The following CGNL1 variants were observed in gnomAD, a reference collection of about 807,000 sequenced individuals.
CGNL1 encodes cingulin like 1.
A neutral mutation model predicts 141.2 loss-of-function variants in CGNL1; 132 were observed. The ratio of observed to expected loss-of-function variants is 0.93; its 90% confidence interval spans 0.81 to 1.08. CGNL1 has a LOEUF of 1.08. CGNL1 is among the 50% of genes least tolerant of loss of function. The probability of loss-of-function intolerance (pLI) is 0.00; values close to 1 mark genes in which losing one functional copy is unlikely to be tolerated. For missense variants in CGNL1, 1,870 were observed against 1,588.6 expected, an observed-to-expected ratio of 1.18 and a Z score of -3.01; for synonymous variants, 690 against 622.1, an observed-to-expected ratio of 1.11 and a Z score of -1.63.
At position 57,401,444 on chromosome 15, in the gene CGNL1, T is replaced by G. The variant is rs549588275; in HGVS notation, c.-16+24877T>G. Among the ~76,000 whole-genome samples, 28 of 152,302 alleles carry G rather than the reference T, an allele frequency of 1.8e-4. No homozygotes were observed. The East Asian group carries it at 4.8e-3, about 26-fold the overall frequency. On this transcript the variant is annotated intron_variant, in intron 1 of 18. Coordinates refer to ENST00000281282, the MANE Select transcript of CGNL1 (RefSeq NM_032866.5). ...CAAGAATGGGTCTCAGGGATTTGAATTTTTAAAAAGTTCCCAAGTGATTCT... is the reference window on the plus strand; with the variant it reads ...CAAGAATGGGTCTCAGGGATTTGAAGTTTTAAAAAGTTCCCAAGTGATTCT...
At chr15:57,506,476 A>T (rs1177726951) in intron 8 of CGNL1, among the ~76,000 whole-genome samples, 1 of 152,232 alleles carries the variant, frequency 6.6e-6, no homozygotes, top group Non-Finnish European at 1.5e-5. Flanking sequence ...TGTTAAAAAA[A>T]CAAAGCAAAG....
chr15:57,399,351 A>T (rs533769092), intron 1 of CGNL1, among the ~76,000 whole-genome samples: 13 of 151,998 alleles, frequency 8.6e-5, no homozygotes, highest in Non-Finnish European at 1.2e-4. Context: ...CCATGATTCC[A>T]CTCTCTACTT....
At chr15:57,492,596 G>A (rs1402033547) in intron 8 of CGNL1, among the ~76,000 whole-genome samples, 1 of 152,114 alleles carries the variant, frequency 6.6e-6, no homozygotes, top group Non-Finnish European at 1.5e-5. Context: ...ACCCAGCTGT[G>A]TAGTCCAATA....
chr15:57,466,446 G>A (rs537219378), intron 8 of CGNL1, among the ~76,000 whole-genome samples: 144 of 152,260 alleles, frequency 9.5e-4, no homozygotes, highest in Middle Eastern at 3.4e-3. Flanking sequence ...AGACAGTATA[G>A]TTTCTTGAAG....
chr15:57,545,775 C>T, intron 17 of CGNL1, 75 bp downstream of exon 17: 1 of 1,248,222 alleles, frequency 8.0e-7, no homozygotes, highest in Non-Finnish European at 1.1e-6. Context: ...GGAGGCAAGG[C>T]CTCCCTGAGC....
chr15:57,440,245 T>C, intron 2 of CGNL1, 132 bp from the exon 3 acceptor site: 1 of 666,784 alleles, frequency 1.5e-6, no homozygotes. Flanking sequence ...GTTAAGTAAC[T>C]TCCCCAAGAT....
chr15:57,418,353 T>C (rs1194955929), intron 1 of CGNL1, among the ~76,000 whole-genome samples: 3 of 152,218 alleles, frequency 2.0e-5, no homozygotes, highest in African/African-American at 7.2e-5. Flanking sequence ...TACTCATTTC[T>C]TGCTCTCAAT....
chr15:57,438,614 G>C lies in CGNL1; in HGVS notation c.615G>C (p.Leu205Phe). 1 of 1,613,888 alleles carries C rather than the reference G, an allele frequency of 6.2e-7. No homozygotes were observed. Among genetic ancestry groups the C allele is most frequent in the Middle Eastern group, 1.6e-4 (1 of 6,062 alleles). The change falls in exon 2 of 19, where the codon TTG becomes TTC. Residue 205 changes from leucine to phenylalanine, a missense_variant. Leu to Phe is a conservative substitution (Grantham distance 22). Coordinates refer to ENST00000281282, the MANE Select transcript of CGNL1 (RefSeq NM_032866.5). ...ATTCCCAGCCTACCAGTCCCTCCTTGGAAGACCCGGCCAAATCTGGTGTGA... is the reference window on the plus strand; with the variant it reads ...ATTCCCAGCCTACCAGTCCCTCCTTCGAAGACCCGGCCAAATCTGGTGTGA... ...PSNSQPTSPS[L>F]EDPAKSGVTA...
chr15:57,411,794 A>G (rs2062791431), intron 1 of CGNL1, among the ~76,000 whole-genome samples: 1 of 151,382 alleles, frequency 6.6e-6, no homozygotes, highest in African/African-American at 2.4e-5. Flanking sequence ...TTTGATGTGG[A>G]TAATTCCACT....
chr15:57,390,966 G>T (rs2062536358), intron 1 of CGNL1, among the ~76,000 whole-genome samples: 1 of 152,148 alleles, frequency 6.6e-6, no homozygotes, highest in Non-Finnish European at 1.5e-5. Context: ...AGTCCCACCT[G>T]TAATAGTCAG....
At chr15:57,493,078 G>C (rs2063888799) in intron 8 of CGNL1, among the ~76,000 whole-genome samples, 1 of 152,150 alleles carries the variant, frequency 6.6e-6, no homozygotes, top group Non-Finnish European at 1.5e-5. Flanking sequence ...GATACCAGGA[G>C]TTAATAAGAT....
intron 1 of CGNL1, among the ~76,000 whole-genome samples, chr15:57,383,452 C>T (rs1449103872): frequency 6.6e-5 from 10 of 151,716 alleles, no homozygotes; most frequent in South Asian, 4.2e-4. Flanking sequence ...GCACGTGCCA[C>T]GACGCCCGGC....
chr15:57,526,904 G>A (rs918430057), intron 12 of CGNL1, among the ~76,000 whole-genome samples: 1 of 152,096 alleles, frequency 6.6e-6, no homozygotes, highest in South Asian at 2.1e-4. Flanking sequence ...GGAAGGAAAC[G>A]CAGGCTGCAC....
Position 57,518,493 on chromosome 15 carries a change from C to T in CGNL1, c.2711C>T (p.Ala904Val). 3.1e-6 allele frequency: 5 copies of T among 1,604,320 alleles called. No individual in the cohort carries two copies. Among genetic ancestry groups the T allele is most frequent in the Non-Finnish European group, 4.3e-6 (5 of 1,173,694 alleles). Residue 904 changes from alanine to valine, a missense_variant, in exon 10 of 19, where the codon GCT becomes GTT. Coordinates refer to ENST00000281282, the MANE Select transcript of CGNL1 (RefSeq NM_032866.5). ...RRALENELEA[A>V]QGNLSQTTQE... ...GCCCTGGAGAATGAACTGGAGGCTG[C>T]TCAGGTAAACACCAAGGGCTGTTGT...
chr15:57,439,366 G>A lies in CGNL1; in HGVS notation c.1367G>A (p.Cys456Tyr), dbSNP rs1157666809. ...CAGGGAGCAGCGCACGGGGCTTCAT[G>A]TGCCCACTCCAGGCCTCCCCAGCCG... ...KLQGAAHGAS[C>Y]AHSRPPQPNI... is the part of the protein sequence containing the mutation. Residue 456 changes from cysteine to tyrosine, a missense_variant, in exon 2 of 19, where the codon TGT (cysteine) becomes TAT (tyrosine). Transcript: ENST00000281282. The A allele has an allele frequency of 1.9e-6, 3 of 1,614,030 alleles. No homozygotes were observed. The highest frequency in any genetic ancestry group is 1.6e-4 in the Middle Eastern group (1 of 6,084).
At chr15:57,459,262 T>G (rs776034439) in intron 7 of CGNL1, among the ~76,000 whole-genome samples, 39 of 152,214 alleles carry the variant, frequency 2.6e-4, no homozygotes, top group Non-Finnish European at 4.3e-4. Flanking sequence ...TATTTATATC[T>G]GAACAGATAA....
In CGNL1 at chr15:57,407,333, C is replaced by T. The variant is rs2062734839; in HGVS notation, c.-15-30652C>T. ...TTGTGAATTACTTCTATTCTTACCA[C>T]TCAAAAAAATGTTTAAATAAGTAAT... On this transcript the variant is annotated intron_variant, in intron 1 of 18. Coordinates refer to ENST00000281282, the MANE Select transcript of CGNL1 (RefSeq NM_032866.5). 2.0e-5 allele frequency: 3 copies of T among 152,194 alleles called. No homozygotes were observed. The South Asian group carries it at 6.2e-4, about 32-fold the overall frequency. The allele number at this position is 152,194 out of a possible 1,614,324, so 9.4% of individuals were successfully genotyped here.
chr15:57,545,031 C>T (rs532995129), intron 16 of CGNL1, among the ~76,000 whole-genome samples: 217 of 152,264 alleles, frequency 1.4e-3, no homozygotes, highest in African/African-American at 5.0e-3. Flanking sequence ...CAGGTCCTCC[C>T]GCAGTGTGTG....
intron 8 of CGNL1, chr15:57,478,370 G>C (rs890202200): frequency 6.6e-6 from 1 of 152,244 alleles, no homozygotes; most frequent in African/African-American, 2.4e-5. Flanking sequence ...CACAGCTTTT[G>C]TTTCTTGAGA....
Sources: gnomAD v4.1 joint callset for allele counts (sites outside exome capture counted in the v4.1 genomes callset) on GRCh38, gnomAD v4.1.1 for gene constraint, MANE v1.5 for transcripts, NCBI Gene and HGNC (gene_info 2026-07-23, HGNC 2026-07-21) for gene names.